The following COA1 variants were observed in gnomAD, a reference collection of about 807,000 sequenced individuals.
The protein encoded by COA1 is cytochrome c oxidase assembly factor 1, also known as cytochrome c oxidase assembly factor 1 homolog.
A neutral mutation model predicts 16.0 loss-of-function variants in COA1; 13 were observed. That is an observed-to-expected ratio of 0.81 (90% CI 0.53 to 1.29). The LOEUF is 1.29. Ranked by LOEUF, COA1 falls within the 50% of genes most tolerant of loss-of-function variation. The probability of loss-of-function intolerance (pLI) is 0.00; values close to 1 mark genes in which losing one functional copy is unlikely to be tolerated. For synonymous variants in COA1, 65 were observed against 65.7 expected (o/e 0.99, Z 0.05); for missense variants, 179 against 177.0 (o/e 1.01, Z -0.06).
intron 1 of COA1, among the ~76,000 whole-genome samples, chr7:43,686,157 A>G (rs1223869084): frequency 6.6e-6 from 1 of 152,274 alleles, no homozygotes; most frequent in Non-Finnish European, 1.5e-5. Context: ...CTTCCAGTCA[A>G]ATTTTCATTT....
chr7:43,712,727 T>G (rs777943155), intron 1 of COA1, among the ~76,000 whole-genome samples: 2 of 152,238 alleles, frequency 1.3e-5, no homozygotes, highest in Non-Finnish European at 2.9e-5. Flanking sequence ...TGTATAAACA[T>G]TGAACCTCAG....
At chr7:43,657,659 G>A (rs1006785713) in intron 1 of COA1, among the ~76,000 whole-genome samples, 18 of 151,698 alleles carry the variant, frequency 1.2e-4, no homozygotes, top group African/African-American at 3.6e-4. Flanking sequence ...AAACAAATAA[G>A]ATCACTTCAG....
rs977881730 is a variant in COA1 at position 43,608,514 on chromosome 7, G to A, written c.*1115C>T. The A allele has an allele frequency of 3.1e-6, 4 of 1,303,730 alleles. No homozygotes were observed. In the African/African-American group the frequency reaches 6.0e-5, roughly 19 times the overall value. 80.8% of individuals were successfully genotyped at this position (1,303,730 alleles called of 1,614,324 possible). A position where few individuals can be genotyped will look rare whatever the true frequency, so the allele number is the denominator to read the frequency against. On this transcript the variant is annotated 3_prime_UTR_variant and NMD_transcript_variant, in exon 7 of 7. Transcript: ENST00000415076. ...CGTTTGTGTATTATTAGGTAACAAG[G>A]ATATTAGAATTGAGTCTTTACTCCT...
chr7:43,622,705 GT>G (rs33923943), intron 6 of COA1: 99,315 of 146,850 alleles, frequency 0.68, 33,415 homozygotes, highest in South Asian at 0.75. Context: ...TTTTGTTTTT[GT>G]TTTTTTTTTT....
At chr7:43,664,103 A>AAGAGAGAG (rs141990456) in intron 1 of COA1, among the ~76,000 whole-genome samples, 2,612 of 135,208 alleles carry the variant, frequency 0.019, 130 homozygotes, top group African/African-American at 0.069. Flanking sequence ...TGTCTTTAGA[A>AAGAGAGAG]AGAGAGAGAG....
At chr7:43,717,616 ATGAGT>A (rs1563475081) in intron 1 of COA1, among the ~76,000 whole-genome samples, 1 of 152,110 alleles carries the variant, frequency 6.6e-6, no homozygotes, top group African/African-American at 2.4e-5. Context: ...TAATGCTGAA[ATGAGT>A]TAAGATTTTG....
At chr7:43,725,694 C>T (rs759950338) in intron 1 of COA1, among the ~76,000 whole-genome samples, 62 of 151,974 alleles carry the variant, frequency 4.1e-4, no homozygotes, top group Non-Finnish European at 7.8e-4. Flanking sequence ...CCCGTCTCTA[C>T]TATAAAACAA....
chr7:43,675,720 T>C (rs921246744), intron 1 of COA1, among the ~76,000 whole-genome samples: 27 of 152,166 alleles, frequency 1.8e-4, no homozygotes, highest in Admixed American at 1.7e-3. Flanking sequence ...CTGAGGACCA[T>C]TCACTACTCT....
At chr7:43,661,141 A>C (rs2092380447) in intron 1 of COA1, among the ~76,000 whole-genome samples, 1 of 152,192 alleles carries the variant, frequency 6.6e-6, no homozygotes, top group Admixed American at 6.5e-5. Context: ...CTATACTTTC[A>C]CAATAGTTAC....
rs2094301341 is a variant in COA1 at position 43,691,303 on chromosome 7, AAGAAAGAAAGAAAGAAAGAAAG to A, written c.-39+38104_-39+38125del. Among the ~76,000 whole-genome samples the A allele has an allele frequency of 3.7e-5, 4 of 108,706 alleles. No homozygotes were observed. In the South Asian group the frequency reaches 1.4e-3, roughly 38 times the overall value. The allele number at this position is 108,706 out of a possible 152,430, so 71.3% of individuals were successfully genotyped here. On this transcript the variant is annotated intron_variant, in intron 1 of 5. Coordinates refer to ENST00000223336, the MANE Select transcript of COA1 (RefSeq NM_018224.4). ...AAAGAAAGAAAGAAAGAAAGAAAGAAAGAAAGAAAGAAAGAAAGAAAGAAAGAGAAAGAGAGAGAGGGAGGGA... is the reference window on the plus strand; with the variant it reads ...AAAGAAAGAAAGAAAGAAAGAAAGAAAAAGAGAAAGAGAGAGAGGGAGGGA...
chr7:43,646,648 T>C (rs2089388140), intron 3 of COA1: 1 of 456,432 alleles, frequency 2.2e-6, no homozygotes, highest in South Asian at 1.5e-5. Flanking sequence ...ATCCCTCTCA[T>C]GTCCTGCCCC....
chr7:43,691,336 AGAGAGAGGGAGGGAGGGAGG>A (rs2094313081), intron 1 of COA1, among the ~76,000 whole-genome samples: 5 of 37,366 alleles, frequency 1.3e-4, no homozygotes, highest in East Asian at 5.9e-4. Context: ...AAAGAGAAAG[AGAGAGAGGGAGGGAGGGAGG>A]GAGGGAGGGA....
At chr7:43,691,473 GA>G (rs1207048324) in intron 1 of COA1, among the ~76,000 whole-genome samples, 2 of 131,508 alleles carry the variant, frequency 1.5e-5, no homozygotes, top group Non-Finnish European at 3.2e-5. Context: ...AAGAAAGAAA[GA>G]AAGAAATTAT....
chr7:43,686,008 CT>C (rs2094004356), intron 1 of COA1, among the ~76,000 whole-genome samples: 5 of 152,294 alleles, frequency 3.3e-5, no homozygotes, highest in African/African-American at 1.2e-4. Context: ...CAGAAACAGG[CT>C]ACACCTGTAG....
rs11974530 is a variant in COA1, at chr7:43,702,187, G to A, written c.-39+27242C>T. ...ATGTTGGACCTATGACAAAACCTACGACATAACTGTCCTAGGTATTCTTCT... is the reference window on the plus strand; with the variant it reads ...ATGTTGGACCTATGACAAAACCTACAACATAACTGTCCTAGGTATTCTTCT... On this transcript the variant is annotated intron_variant, in intron 1 of 5. Transcript: ENST00000223336. 7.3e-3 allele frequency among the ~76,000 whole-genome samples: 1,113 copies of A among 152,132 alleles called. 10 individuals carry two copies. Among genetic ancestry groups the A allele is most frequent in the African/African-American group, 0.025 (1,026 of 41,504 alleles).
intron 1 of COA1, among the ~76,000 whole-genome samples, chr7:43,728,162 G>A (rs1427448068): frequency 6.6e-6 from 1 of 152,096 alleles, no homozygotes; most frequent in Admixed American, 6.5e-5. Context: ...TTTTAGTGGA[G>A]ACGGGGTTTC....
At chr7:43,648,413 C>T (rs1277801743) in intron 2 of COA1, 187 bp downstream of exon 2, 7 of 723,236 alleles carry the variant, frequency 9.7e-6, no homozygotes, top group East Asian at 7.5e-5. Context: ...GCATGAGACA[C>T]GAGAGAAAGA....
At chr7:43,651,493 G>A (rs2153110080) in intron 1 of COA1, among the ~76,000 whole-genome samples, 1 of 152,250 alleles carries the variant, frequency 6.6e-6, no homozygotes. Context: ...GGATGCAGCA[G>A]CTGCTCAAGC....
chr7:43,671,409 T>C (rs1412151867), intron 1 of COA1, among the ~76,000 whole-genome samples: 1 of 150,856 alleles, frequency 6.6e-6, no homozygotes, highest in Non-Finnish European at 1.5e-5. Flanking sequence ...TATAAAGAAC[T>C]ATTGTTAACT....
Sources: gnomAD v4.1 joint callset for allele counts (sites outside exome capture counted in the v4.1 genomes callset) on GRCh38, gnomAD v4.1.1 for gene constraint, MANE v1.5 for transcripts, NCBI Gene and HGNC (gene_info 2026-07-23, HGNC 2026-07-21) for gene names.